The following ARSF variants were observed in gnomAD, a reference collection of about 807,000 sequenced individuals.
ARSF encodes the protein arylsulfatase F.
ARSF carries 33 observed loss-of-function variants against 35.4 expected under a neutral mutation model. The ratio of observed to expected loss-of-function variants is 0.93; its 90% CI spans 0.71 to 1.25. ARSF has a LOEUF of 1.25. ARSF is among the 50% of genes most tolerant of loss of function. The probability of loss-of-function intolerance (pLI) is 0.00; values close to 1 mark genes in which losing one functional copy is unlikely to be tolerated. For synonymous variants in ARSF, 222 were observed against 193.1 expected (o/e 1.15, Z -1.24); for missense variants, 501 against 480.2 (o/e 1.04, Z -0.40).
At chrX:3,093,862 A>G (rs1398945014) in intron 7 of ARSF, among the ~76,000 whole-genome samples, 1 of 112,035 alleles carries the variant, frequency 8.9e-6, no homozygotes, top group East Asian at 2.8e-4. Flanking sequence ...ACAATAGTAT[A>G]TAAGTGTTGC....
At chrX:3,056,465 G>A (rs1188867937) in intron 1 of ARSF, among the ~76,000 whole-genome samples, 6 of 108,461 alleles carry the variant, frequency 5.5e-5, no homozygotes, top group South Asian at 4.0e-4. Context: ...TAGTAGAGAC[G>A]GCGTTTCGCC....
chrX:3,051,947 T>G (rs1236958530), intron 1 of ARSF, among the ~76,000 whole-genome samples: 1 of 110,587 alleles, frequency 9.0e-6, no homozygotes, highest in African/African-American at 3.3e-5. Flanking sequence ...GAGCCAAGAT[T>G]ATACCACTGC....
chrX:3,098,752 T>C (rs974099260), intron 7 of ARSF, among the ~76,000 whole-genome samples: 3 of 111,493 alleles, frequency 2.7e-5, no homozygotes, highest in African/African-American at 6.5e-5. Flanking sequence ...TAATACAGTA[T>C]GTAACAATTT....
At chrX:3,040,572 G>A (rs1479671816), upstream of ARSF, among the ~76,000 whole-genome samples, 1 of 111,065 alleles carries the variant, frequency 9.0e-6, no homozygotes. Context: ...CACTTTTGTG[G>A]CATAATTTTG....
intron 8 of ARSF, among the ~76,000 whole-genome samples, chrX:3,102,551 C>T (rs779695979): frequency 8.9e-6 from 1 of 112,461 alleles, no homozygotes; most frequent in East Asian, 2.8e-4. Flanking sequence ...AGGCTTGTTC[C>T]ATATCTTTGC....
Position 3,084,526 on chromosome X carries a change from C to T in ARSF, c.690C>T (p.Gly230=). Residue 230 remains glycine, a synonymous_variant, in exon 6 of 11, where the codon GGC becomes GGT. Transcript: ENST00000381127. Reference sequence around the variant, plus strand: ...TGATTCTGTTTATTTTCCTCTTGGGCTATGCTTGGTTCTCCAGCCACACGT... The same window carrying T: ...TGATTCTGTTTATTTTCCTCTTGGGTTATGCTTGGTTCTCCAGCCACACGT... ...FSMILFIFLL[G]YAWFSSHTSP... 1 of 1,211,594 alleles carries T rather than the reference C, an allele frequency of 8.3e-7. No homozygotes were observed. Among genetic ancestry groups the T allele is most frequent in the Non-Finnish European group, 1.1e-6 (1 of 895,558 alleles).
intron 4 of ARSF, among the ~76,000 whole-genome samples, chrX:3,078,448 C>T (rs2090170335): frequency 9.0e-6 from 1 of 111,443 alleles, no homozygotes; most frequent in South Asian, 3.8e-4. Context: ...TCCAAAAGTT[C>T]TGGGATTACA....
intron 6 of ARSF, among the ~76,000 whole-genome samples, chrX:3,087,106 C>T (rs910788172): frequency 1.8e-5 from 2 of 111,578 alleles, no homozygotes; most frequent in Non-Finnish European, 3.8e-5. Flanking sequence ...ACCCAGATAA[C>T]CCAGGATAAT....
intron 9 of ARSF, 49 bp from the exon 10 acceptor site, chrX:3,110,079 A>G (rs1283552129): frequency 2.7e-6 from 3 of 1,097,443 alleles, no homozygotes; most frequent in Non-Finnish European, 3.6e-6. Context: ...TTGGGACCCA[A>G]CGTCCCTTCT....
intron 2 of ARSF, 126 bp downstream of exon 2, chrX:3,068,237 C>G (rs1335754745): frequency 1.6e-6 from 1 of 613,283 alleles, no homozygotes; most frequent in East Asian, 4.0e-5. Context: ...TTTTCTTTTT[C>G]TTTTCTTGTA....
chrX:3,041,959 C>T (rs1194112957), intron 1 of ARSF, among the ~76,000 whole-genome samples: 1 of 112,052 alleles, frequency 8.9e-6, no homozygotes, highest in Non-Finnish European at 1.9e-5. Flanking sequence ...TAAAAATTGT[C>T]AGCATACATG....
At position 3,110,159 on chromosome X, in the gene ARSF, C is replaced by A. The variant is rs1359934372; in HGVS notation, c.1297C>A (p.Leu433Met). The A allele has an allele frequency of 8.3e-7, 1 of 1,199,763 alleles. No homozygotes were observed. ...TGACGGCCGAGACCTCATGCCCTTG[C>A]TGCAGGGCAACGTCAGGCACTCGGA... ...VIDGRDLMPL[L>M]QGNVRHSEHE... The change falls in exon 10 of 11, where the codon CTG (leucine) becomes ATG (methionine). Residue 433 changes from leucine (L) to methionine (M), a missense_variant. Physicochemically the swap from Leu to Met is conservative, Grantham distance 15 (BLOSUM62 2). Coordinates refer to ENST00000381127, the MANE Select transcript of ARSF (RefSeq NM_001201539.2).
At chrX:3,057,260 C>T (rs143621842) in intron 1 of ARSF, among the ~76,000 whole-genome samples, 205 of 112,368 alleles carry the variant, frequency 1.8e-3, no homozygotes, top group East Asian at 0.014. Flanking sequence ...TTATCTGTTG[C>T]ATCAGAAATG....
chrX:3,093,380 C>A (rs1045791542), intron 7 of ARSF, among the ~76,000 whole-genome samples: 2 of 111,450 alleles, frequency 1.8e-5, no homozygotes, highest in African/African-American at 6.5e-5. Context: ...GCATGGCAAC[C>A]AATAGATAGA....
chrX:3,099,992 C>T (rs181278476), intron 7 of ARSF, among the ~76,000 whole-genome samples: 31 of 111,739 alleles, frequency 2.8e-4, no homozygotes, highest in Non-Finnish European at 4.9e-4. Context: ...GAATTAGACA[C>T]GTTTGAGACT....
intron 1 of ARSF, among the ~76,000 whole-genome samples, chrX:3,042,380 T>C (rs978394130): frequency 8.9e-6 from 1 of 112,236 alleles, no homozygotes; most frequent in South Asian, 3.6e-4. Context: ...AGTTAAATAA[T>C]AGATATTCAC....
Position 3,110,119 on chromosome X carries a change from T to C in ARSF, c.1266-9T>C. Reference sequence around the variant, plus strand: ...ATTTTCCTTATCTGCACTGTCTGTGTCTCTGCAGGGTCATTGACGGCCGAG... The same window carrying C: ...ATTTTCCTTATCTGCACTGTCTGTGCCTCTGCAGGGTCATTGACGGCCGAG... On this transcript the variant is annotated splice_polypyrimidine_tract_variant and intron_variant, in intron 9 of 10. Coordinates refer to ENST00000381127, the MANE Select transcript of ARSF (RefSeq NM_001201539.2). The C allele has an allele frequency of 8.5e-7, 1 of 1,170,180 alleles. No individual in the cohort carries two copies. The highest frequency in any genetic ancestry group is 1.1e-6 in the Non-Finnish European group (1 of 873,826).
At chrX:3,095,816 T>A (rs1451841972) in intron 7 of ARSF, among the ~76,000 whole-genome samples, 1 of 110,149 alleles carries the variant, frequency 9.1e-6, no homozygotes, top group African/African-American at 3.3e-5. Flanking sequence ...ACTTATAAGA[T>A]GTGCATTAAT....
At chrX:3,061,724 A>C (rs1387385136) in intron 1 of ARSF, among the ~76,000 whole-genome samples, 1 of 111,837 alleles carries the variant, frequency 8.9e-6, no homozygotes, top group Non-Finnish European at 1.9e-5. Context: ...CATAATGGTA[A>C]AGGGATCAAT....
Sources: gnomAD v4.1 joint callset for allele counts (sites outside exome capture counted in the v4.1 genomes callset) on GRCh38, gnomAD v4.1.1 for gene constraint, MANE v1.5 for transcripts, NCBI Gene and HGNC (gene_info 2026-07-23, HGNC 2026-07-21) for gene names.